Variants in ZNF430 observed in about 807,000 individuals in gnomAD.
The protein encoded by ZNF430 is zinc finger protein 430.
In ZNF430, 35 loss-of-function variants were observed where a neutral mutation model predicts 56.7. The observed-to-expected ratio is 0.62, with a 90% CI of 0.47 to 0.82. The LOEUF (loss-of-function observed/expected upper bound fraction) is 0.82, where lower values mean the gene tolerates loss of function less well. Ranked by LOEUF, ZNF430 falls within the 40% of genes least tolerant of loss-of-function variation. The pLI, the probability that ZNF430 is intolerant of heterozygous loss-of-function variation, is 0.00. For missense variants in ZNF430, 574 were observed against 661.0 expected, an observed-to-expected ratio of 0.87 and a Z score of 1.44; for synonymous variants, 212 against 224.3, an observed-to-expected ratio of 0.94 and a Z score of 0.49.
chr19:21,026,532 G>A (rs1967799715), intron 2 of ZNF430, among the ~76,000 whole-genome samples: 1 of 152,084 alleles, frequency 6.6e-6, no homozygotes, highest in South Asian at 2.1e-4. Context: ...TTGTCATAGG[G>A]ATCTTTCACC....
At chr19:21,036,826 C>T (rs1349817819) in intron 4 of ZNF430, 1 of 151,144 alleles carries the variant, frequency 6.6e-6, no homozygotes, top group African/African-American at 2.4e-5. Flanking sequence ...AAAACCACAG[C>T]TCTACATTTC....
chr19:21,054,183 T>A (rs1250090468), intron 4 of ZNF430, among the ~76,000 whole-genome samples: 1 of 151,654 alleles, frequency 6.6e-6, no homozygotes, highest in Non-Finnish European at 1.5e-5. Context: ...TGCACCATTA[T>A]AATAATGCTT....
chr19:21,038,095 A>G (rs1968035327), intron 4 of ZNF430, among the ~76,000 whole-genome samples: 1 of 152,196 alleles, frequency 6.6e-6, no homozygotes, highest in South Asian at 2.1e-4. Context: ...TTCCTCAGGC[A>G]TTTAGTGTCT....
chr19:21,051,831 T>A (rs777648592), intron 4 of ZNF430, among the ~76,000 whole-genome samples: 1 of 152,210 alleles, frequency 6.6e-6, no homozygotes, highest in African/African-American at 2.4e-5. Flanking sequence ...CCAAATTGTT[T>A]TTATTCTGTA....
At position 21,046,674 on chromosome 19, in the gene ZNF430, C is replaced by T. The variant is rs955785803; in HGVS notation, c.323-9957C>T. 5.3e-5 allele frequency among the ~76,000 whole-genome samples: 8 copies of T among 152,098 alleles called. No homozygotes were observed. In the South Asian group the frequency reaches 1.0e-3, roughly 20 times the overall value. Reference sequence around the variant, plus strand: ...TTGAGTAGTGGCCCCCAATCTCTTACGGCTTGTAGGGTTTCTGCTTAAAGG... The same window carrying T: ...TTGAGTAGTGGCCCCCAATCTCTTATGGCTTGTAGGGTTTCTGCTTAAAGG... On this transcript the variant is annotated intron_variant, in intron 4 of 4. Transcript: ENST00000261560.
intron 1 of ZNF430, 118 bp downstream of exon 1, chr19:21,020,921 T>G: frequency 1.4e-6 from 2 of 1,442,716 alleles, no homozygotes; most frequent in Non-Finnish European, 1.9e-6. Flanking sequence ...GCGCCCCGAG[T>G]TCTTGCCCAG....
At chr19:21,030,508 A>G (rs1006815241) in intron 2 of ZNF430, among the ~76,000 whole-genome samples, 1 of 152,110 alleles carries the variant, frequency 6.6e-6, no homozygotes, top group African/African-American at 2.4e-5. Context: ...TTATTTTCCA[A>G]AGGCAGATTT....
chr19:21,026,754 A>AATC (rs1967803491), intron 2 of ZNF430, among the ~76,000 whole-genome samples: 1 of 151,532 alleles, frequency 6.6e-6, no homozygotes, highest in South Asian at 2.1e-4. Flanking sequence ...GAAGATATAG[A>AATC]ATCATGTCAT....
intron 4 of ZNF430, among the ~76,000 whole-genome samples, chr19:21,045,402 CT>C (rs1200991608): frequency 6.6e-6 from 1 of 152,148 alleles, no homozygotes. Flanking sequence ...GTTTCTTACT[CT>C]TGAGTTCCAA....
At chr19:21,039,896 T>C (rs777075476) in intron 4 of ZNF430, among the ~76,000 whole-genome samples, 7 of 152,138 alleles carry the variant, frequency 4.6e-5, no homozygotes, top group Non-Finnish European at 8.8e-5. Context: ...GGCTGGAGTA[T>C]AGTGGCATAA....
At chr19:21,041,972 A>G (rs1433665860) in intron 4 of ZNF430, among the ~76,000 whole-genome samples, 1 of 152,166 alleles carries the variant, frequency 6.6e-6, no homozygotes, top group Admixed American at 6.5e-5. Context: ...TCAGCCTCCC[A>G]AAGTGCTGAA....
At chr19:21,049,453 TA>T (rs1251285280) in intron 4 of ZNF430, 1 of 152,160 alleles carries the variant, frequency 6.6e-6, no homozygotes, top group Non-Finnish European at 1.5e-5. Context: ...AGCATCATTT[TA>T]TTTTTCAACA....
chr19:21,054,510 T>G (rs901216560), intron 4 of ZNF430, among the ~76,000 whole-genome samples: 1 of 152,092 alleles, frequency 6.6e-6, no homozygotes, highest in Non-Finnish European at 1.5e-5. Context: ...TTACTGGCTG[T>G]GTCATAAGAC....
chr19:21,030,117 A>G (rs1462375241), intron 2 of ZNF430, among the ~76,000 whole-genome samples: 1 of 152,248 alleles, frequency 6.6e-6, no homozygotes, highest in Non-Finnish European at 1.5e-5. Flanking sequence ...ACCAGTGCTT[A>G]CAGAAACATT....
chr19:21,040,965 G>A (rs6511181), intron 4 of ZNF430, among the ~76,000 whole-genome samples: 125,556 of 152,034 alleles, frequency 0.83, 53,555 homozygotes, highest in Middle Eastern at 0.94. Flanking sequence ...TATAATTACT[G>A]CCACCTCACC....
chr19:21,033,153 G>A (rs552016595), intron 2 of ZNF430, among the ~76,000 whole-genome samples: 6 of 152,004 alleles, frequency 3.9e-5, no homozygotes, highest in Admixed American at 1.3e-4. Flanking sequence ...TTGAGAGTTC[G>A]TGACCAGCCT....
chr19:21,036,381 T>C (rs1968000475), intron 4 of ZNF430: 1 of 152,190 alleles, frequency 6.6e-6, no homozygotes, highest in African/African-American at 2.4e-5. Context: ...TGATGATGTT[T>C]CTCTCACCTT....
intron 4 of ZNF430, among the ~76,000 whole-genome samples, chr19:21,046,594 A>T (rs984654890): frequency 1.6e-4 from 25 of 152,058 alleles, no homozygotes; most frequent in Non-Finnish European, 3.2e-4. Flanking sequence ...TCCTTTACTT[A>T]TGAAGCTTAG....
intron 2 of ZNF430, among the ~76,000 whole-genome samples, chr19:21,027,984 G>C (rs921605669): frequency 6.6e-6 from 1 of 152,164 alleles, no homozygotes; most frequent in African/African-American, 2.4e-5. Flanking sequence ...GAATGAGCTA[G>C]AGCAGCCTCT....
Sources: gnomAD v4.1 joint callset for allele counts (sites outside exome capture counted in the v4.1 genomes callset) on GRCh38, gnomAD v4.1.1 for gene constraint, MANE v1.5 for transcripts, NCBI Gene and HGNC (gene_info 2026-07-23, HGNC 2026-07-21) for gene names.